DMD: variants seen among roughly 807,000 people sequenced by gnomAD.
The protein encoded by DMD is dystrophin, also known as mutant dystrophin.
A neutral mutation model predicts 330.1 loss-of-function variants in DMD; 63 were observed. That is an observed-to-expected ratio of 0.19 (90% CI 0.16 to 0.24). The LOEUF is 0.24. Among genes scored for constraint, DMD ranks in the 10% least tolerant of loss-of-function variants. The probability of loss-of-function intolerance (pLI) is 1.00; values close to 1 mark genes in which losing one functional copy is unlikely to be tolerated. For synonymous variants in DMD, 1,223 were observed against 959.8 expected (o/e 1.27, Z -5.07); for missense variants, 3,344 against 2,684.1 (o/e 1.25, Z -5.43).
intron 1 of DMD, among the ~76,000 whole-genome samples, chrX:33,174,051 AAAAG>A (rs2049511034): frequency 9.3e-6 from 1 of 107,418 alleles, no homozygotes; most frequent in African/African-American, 3.4e-5. Context: ...AAAAAAAAAA[AAAAG>A]AATCCCCAGA....
At chrX:32,754,211 T>A (rs1002689190) in intron 7 of DMD, among the ~76,000 whole-genome samples, 1 of 111,318 alleles carries the variant, frequency 9.0e-6, no homozygotes, top group Non-Finnish European at 1.9e-5. Flanking sequence ...CATGTTAAAC[T>A]TAAATATTTT....
At chrX:32,706,012 G>A (rs1356802048) in intron 7 of DMD, among the ~76,000 whole-genome samples, 1 of 109,070 alleles carries the variant, frequency 9.2e-6, no homozygotes, top group Non-Finnish European at 1.9e-5. Flanking sequence ...TTAAGAAAAT[G>A]TGGCATATAT....
At chrX:31,629,192 C>T (rs780068709) in intron 54 of DMD, among the ~76,000 whole-genome samples, 6 of 111,612 alleles carry the variant, frequency 5.4e-5, no homozygotes, top group African/African-American at 1.9e-4. Context: ...GAATATGATA[C>T]ACATTGCTTG....
chrX:32,984,438 A>T (rs1392994545), intron 2 of DMD, among the ~76,000 whole-genome samples: 2 of 111,408 alleles, frequency 1.8e-5, no homozygotes, highest in African/African-American at 3.3e-5. Flanking sequence ...TATTTTTAGT[A>T]GAGACAGGGT....
At chrX:32,447,761 C>T (rs1206254280) in intron 27 of DMD, among the ~76,000 whole-genome samples, 2 of 111,725 alleles carry the variant, frequency 1.8e-5, no homozygotes, top group Non-Finnish European at 3.8e-5. Context: ...TTTTGTGCCC[C>T]TTGGCACAGT....
chrX:31,523,534 G>A (rs2073025325), intron 55 of DMD, among the ~76,000 whole-genome samples: 1 of 112,460 alleles, frequency 8.9e-6, no homozygotes, highest in African/African-American at 3.2e-5. Flanking sequence ...AAGGAGACCT[G>A]TCAAAGGACA....
chrX:32,993,391 C>T (rs1416608229), intron 2 of DMD, among the ~76,000 whole-genome samples: 1 of 110,122 alleles, frequency 9.1e-6, no homozygotes, highest in African/African-American at 3.3e-5. Flanking sequence ...ACTGCCTGAC[C>T]TCAGGAGTTC....
At chrX:32,641,434 A>ATC (rs780188485) in intron 11 of DMD, 4 of 114,129 alleles carry the variant, frequency 3.5e-5, no homozygotes, top group Admixed American at 2.2e-4. Flanking sequence ...ATATATATAT[A>ATC]TATCTCACAA....
chrX:33,122,857 C>T (rs1234618897), intron 1 of DMD, among the ~76,000 whole-genome samples: 2 of 111,942 alleles, frequency 1.8e-5, no homozygotes, highest in Non-Finnish European at 3.8e-5. Flanking sequence ...AACACAGAGG[C>T]TGAGTTTTGA....
intron 44 of DMD, among the ~76,000 whole-genome samples, chrX:32,015,851 TA>T (rs976215349): frequency 8.9e-6 from 1 of 111,983 alleles, no homozygotes; most frequent in African/African-American, 3.2e-5. Flanking sequence ...CCTTATCTAA[TA>T]GTTCTTTTAT....
At chrX:33,239,182 C>T (rs755418441) in intron 1 of DMD, among the ~76,000 whole-genome samples, 3 of 101,246 alleles carry the variant, frequency 3.0e-5, no homozygotes, top group East Asian at 3.2e-4. Flanking sequence ...ACTTGAACCC[C>T]GGAGGTGGAG....
chrX:32,464,604 C>T lies in DMD; in HGVS notation c.3258G>A (p.Lys1086=), dbSNP rs2098395016. The change falls in exon 24 of 79, where the codon AAG becomes AAA. Residue 1086 remains lysine (K), a synonymous_variant. Coordinates refer to ENST00000357033, the MANE Select transcript of DMD (RefSeq NM_004006.3). ...ATCTTACTCTGCACTGTTTCAGCTG[C>T]TTTTTTAGAATTTCTGAATCCCCAA... is the stretch of plus-strand genomic sequence containing the variant. The part of the protein sequence containing the change: ...PALGDSEILK[K]QLKQCRLLVS... The T allele has an allele frequency of 8.3e-7, 1 of 1,206,008 alleles. No individual in the cohort carries two copies. Among genetic ancestry groups the T allele is most frequent in the South Asian group, 1.8e-5 (1 of 56,858 alleles).
At position 33,247,874 on chromosome X, in the gene DMD, A is replaced by T. The variant is rs2052694985; in HGVS notation, c.7+91385T>A. Among the ~76,000 whole-genome samples the T allele has an allele frequency of 3.6e-5, 4 of 111,414 alleles. No homozygotes were observed. The Admixed American group carries it at 3.9e-4, about 11-fold the overall frequency. ...CACAATTATCAACTACCCTAAAATA[A>T]TTTACATAACTATGACAAGTTATAT... is the stretch of plus-strand genomic sequence containing the variant. On this transcript the variant is annotated intron_variant, in intron 1 of 17. Coordinates refer to the DMD transcript ENST00000288447.
At chrX:32,855,206 A>G (rs1312179688) in intron 2 of DMD, among the ~76,000 whole-genome samples, 1 of 112,262 alleles carries the variant, frequency 8.9e-6, no homozygotes, top group African/African-American at 3.2e-5. Flanking sequence ...TGAGAAACCC[A>G]CAGCTAATTT....
rs779187984 is a variant in DMD at position 33,172,472 on chromosome X, GAAGGATATCTCAGGAAT to G, written c.31+38793_31+38809del. 3.8e-3 allele frequency among the ~76,000 whole-genome samples: 426 copies of G among 111,631 alleles called. 2 individuals carry two copies. The highest frequency in any genetic ancestry group is 0.013 in the African/African-American group (403 of 30,806). On this transcript the variant is annotated intron_variant, in intron 1 of 78. Coordinates refer to ENST00000357033, the MANE Select transcript of DMD (RefSeq NM_004006.3). Reference sequence around the variant, plus strand: ...AGTGACCAAGCCTCTTGAGAGAGGTGAAGGATATCTCAGGAATAAGCAACTAGCAATAGACAAAGGAG... The same window carrying G: ...AGTGACCAAGCCTCTTGAGAGAGGTGAAGCAACTAGCAATAGACAAAGGAG...
chrX:31,665,215 T>C (rs1310611594), intron 53 of DMD, among the ~76,000 whole-genome samples: 2 of 111,933 alleles, frequency 1.8e-5, no homozygotes, highest in Non-Finnish European at 3.8e-5. Flanking sequence ...TAACTGAGCT[T>C]TGAAGAATAT....
chrX:33,171,621 A>T (rs2049352884), intron 1 of DMD, among the ~76,000 whole-genome samples: 1 of 111,417 alleles, frequency 9.0e-6, no homozygotes, highest in African/African-American at 3.3e-5. Context: ...TCCCTCACAG[A>T]TCCCTCAGGT....
At chrX:31,173,195 A>G (rs969511552) in intron 72 of DMD, among the ~76,000 whole-genome samples, 3 of 111,682 alleles carry the variant, frequency 2.7e-5, no homozygotes, top group African/African-American at 6.5e-5. Flanking sequence ...CATATAATAT[A>G]GTATCATTTT....
At chrX:32,518,201 TA>T in intron 17 of DMD, 70 bp from the exon 18 acceptor site, 4 of 1,008,112 alleles carry the variant, frequency 4.0e-6, no homozygotes, top group Non-Finnish European at 5.5e-6. Context: ...AAAAGCAATT[TA>T]TCCACATTTA....
Sources: allele counts gnomAD v4.1 joint callset (sites outside exome capture counted in the v4.1 genomes callset), GRCh38; gene constraint gnomAD v4.1.1; transcripts MANE v1.5; gene names NCBI Gene and HGNC (gene_info 2026-07-23, HGNC 2026-07-21).